DLGAP1: variants seen among roughly 807,000 people sequenced by gnomAD.
The protein encoded by DLGAP1 is disks large-associated protein 1.
A neutral mutation model predicts 90.8 loss-of-function variants in DLGAP1; 11 were observed. The observed-to-expected ratio is 0.12, with a 90% CI of 0.08 to 0.20. The LOEUF (loss-of-function observed/expected upper bound fraction) is 0.20, where lower values mean the gene tolerates loss of function less well. DLGAP1 is among the 10% of genes least tolerant of loss of function. The pLI is 1.00. For synonymous variants in DLGAP1, 558 were observed against 540.7 expected (o/e 1.03, Z -0.44); for missense variants, 1,050 against 1,333.8 (o/e 0.79, Z 3.31).
chr18:4,159,380 T>C (rs991199603), intron 1 of DLGAP1, among the ~76,000 whole-genome samples: 4 of 152,192 alleles, frequency 2.6e-5, no homozygotes, highest in Admixed American at 2.6e-4. Flanking sequence ...ACCAAACTGC[T>C]TTCTTGAACT....
intron 1 of DLGAP1, among the ~76,000 whole-genome samples, chr18:4,162,291 T>C (rs746119217): frequency 1.3e-5 from 2 of 152,276 alleles, no homozygotes; most frequent in Admixed American, 6.5e-5. Context: ...GAAAGGATTA[T>C]TGGTATCAAT....
In DLGAP1 at chr18:4,178,202, AACACACACACAC is replaced by A. The variant is rs59444096; in HGVS notation, c.-266-26927_-266-26916del. Among the ~76,000 whole-genome samples the A allele has an allele frequency of 3.8e-3, 456 of 118,470 alleles. 3 individuals are homozygous for A. The highest frequency in any genetic ancestry group is 0.011 in the African/African-American group (346 of 30,622). The allele number at this position is 118,470 out of a possible 152,430, so 77.7% of individuals were successfully genotyped here. On this transcript the variant is annotated intron_variant, in intron 1 of 12. Transcript: ENST00000315677. ...TAGAAATCCTACGGGTCCTGGAATA[AACACACACACAC>A]ACACACACACACACACACACACACA...
Position 3,757,384 on chromosome 18 carries a change from G to A in DLGAP1, c.1173-14872C>T, listed in dbSNP as rs188010043. Among the ~76,000 whole-genome samples, 39 of 152,232 alleles carry A rather than the reference G, an allele frequency of 2.6e-4. No individual in the cohort carries two copies. In the East Asian group the frequency reaches 4.2e-3, roughly 17 times the overall value. The stretch of plus-strand genomic sequence containing the variant: ...AGACTGTGCCATTGCACTCCAGCCT[G>A]GGTGACAGAGCGAGACTCCACCTCA... On this transcript the variant is annotated intron_variant, in intron 5 of 12. Transcript: ENST00000315677.
intron 1 of DLGAP1, among the ~76,000 whole-genome samples, chr18:4,249,206 C>T (rs1411671432): frequency 6.6e-6 from 1 of 152,174 alleles, no homozygotes; most frequent in Non-Finnish European, 1.5e-5. Flanking sequence ...ATGTGAACTA[C>T]ATGAGGACAA....
At chr18:4,211,883 C>T (rs980842499) in intron 1 of DLGAP1, among the ~76,000 whole-genome samples, 13 of 152,084 alleles carry the variant, frequency 8.5e-5, no homozygotes, top group African/African-American at 3.1e-4. Context: ...ACCCCTTCTC[C>T]TTTTTTTGAC....
intron 1 of DLGAP1, among the ~76,000 whole-genome samples, chr18:4,282,166 C>G (rs2079567619): frequency 6.6e-6 from 1 of 152,022 alleles, no homozygotes; most frequent in South Asian, 2.1e-4. Flanking sequence ...AGATCGAGAT[C>G]ATCCTGGCTA....
At chr18:3,915,681 C>T (rs1434060162) in intron 3 of DLGAP1, among the ~76,000 whole-genome samples, 1 of 152,180 alleles carries the variant, frequency 6.6e-6, no homozygotes, top group Non-Finnish European at 1.5e-5. Flanking sequence ...AAACAGCATA[C>T]TGGCATAGAA....
chr18:3,915,346 C>G (rs2072120022), intron 3 of DLGAP1, among the ~76,000 whole-genome samples: 1 of 152,120 alleles, frequency 6.6e-6, no homozygotes, highest in African/African-American at 2.4e-5. Flanking sequence ...ACTAGCTGAG[C>G]TTTAGTCAAA....
At chr18:4,076,476 G>C (rs1449148780) in intron 2 of DLGAP1, among the ~76,000 whole-genome samples, 1 of 152,118 alleles carries the variant, frequency 6.6e-6, no homozygotes, top group African/African-American at 2.4e-5. Flanking sequence ...TAAAGGGTTT[G>C]CATCCTATAT....
chr18:3,765,050 T>C (rs560226157), intron 5 of DLGAP1, among the ~76,000 whole-genome samples: 1 of 152,020 alleles, frequency 6.6e-6, no homozygotes, highest in African/African-American at 2.4e-5. Context: ...TATCTGTTTA[T>C]GTAGGTGGTG....
intron 1 of DLGAP1, among the ~76,000 whole-genome samples, chr18:4,254,543 T>C (rs1049862839): frequency 5.3e-5 from 8 of 152,204 alleles, no homozygotes; most frequent in Admixed American, 4.6e-4. Context: ...TATCTCCAGG[T>C]ATATTTGTCC....
chr18:4,316,753 C>A (rs1367188360), intron 1 of DLGAP1, among the ~76,000 whole-genome samples: 1 of 152,146 alleles, frequency 6.6e-6, no homozygotes, highest in African/African-American at 2.4e-5. Context: ...CTGTACTGTG[C>A]CCCGATGTGA....
chr18:4,089,872 C>A (rs535598502), intron 2 of DLGAP1, among the ~76,000 whole-genome samples: 1 of 152,032 alleles, frequency 6.6e-6, no homozygotes, highest in Admixed American at 6.6e-5. Context: ...GGTGAAACCC[C>A]GTCTCTACTA....
chr18:4,433,501 T>A (rs1380725611), intron 1 of DLGAP1, among the ~76,000 whole-genome samples: 1 of 152,238 alleles, frequency 6.6e-6, no homozygotes, highest in Non-Finnish European at 1.5e-5. Context: ...CATACACTGA[T>A]GGATACACAT....
chr18:3,795,556 T>C (rs1283639885), intron 5 of DLGAP1, among the ~76,000 whole-genome samples: 2 of 152,160 alleles, frequency 1.3e-5, no homozygotes, highest in African/African-American at 2.4e-5. Flanking sequence ...CCTCGTGATC[T>C]GCCCACCTTG....
rs971165725 is a variant in DLGAP1, at chr18:3,710,584, C to A, written c.1591+18551G>T. Among the ~76,000 whole-genome samples, 6 of 152,184 alleles carry A rather than the reference C, an allele frequency of 3.9e-5. No homozygotes were observed. In the East Asian group the frequency reaches 1.2e-3, roughly 29 times the overall value. On this transcript the variant is annotated intron_variant, in intron 7 of 12. Coordinates refer to ENST00000315677, the MANE Select transcript of DLGAP1 (RefSeq NM_004746.4). ...ATTTATTCCATATATATTTTTAAAG[C>A]ATTCACTATAGATGTCACTGTTCTA...
At chr18:4,131,000 A>C (rs1288645648) in intron 2 of DLGAP1, among the ~76,000 whole-genome samples, 2 of 152,178 alleles carry the variant, frequency 1.3e-5, no homozygotes, top group African/African-American at 4.8e-5. Context: ...TATTAAAAAA[A>C]CCAGAGCCAT....
At chr18:3,672,723 A>C (rs1184493417) in intron 7 of DLGAP1, among the ~76,000 whole-genome samples, 1 of 151,784 alleles carries the variant, frequency 6.6e-6, no homozygotes, top group Non-Finnish European at 1.5e-5. Flanking sequence ...TGTTCTCCCT[A>C]ATCTTGTTGT....
At chr18:3,507,060 A>T (rs879887038) in intron 11 of DLGAP1, among the ~76,000 whole-genome samples, 3 of 152,104 alleles carry the variant, frequency 2.0e-5, no homozygotes, top group African/African-American at 4.8e-5. Flanking sequence ...GAATAGCCCT[A>T]AGGAGAGATT....
Sources: gnomAD v4.1 joint callset for allele counts (sites outside exome capture counted in the v4.1 genomes callset) on GRCh38, gnomAD v4.1.1 for gene constraint, MANE v1.5 for transcripts, NCBI Gene and HGNC (gene_info 2026-07-23, HGNC 2026-07-21) for gene names.